The following SHISA9 variants were observed in gnomAD, a reference collection of about 807,000 sequenced individuals.
SHISA9 encodes the protein protein shisa-9.
In SHISA9, 13 loss-of-function variants were observed where a neutral mutation model predicts 38.0. The ratio of observed to expected loss-of-function variants is 0.34; its 90% CI spans 0.22 to 0.54. The LOEUF (loss-of-function observed/expected upper bound fraction) is 0.54. Ranked by LOEUF, SHISA9 falls within the 20% of genes least tolerant of loss-of-function variation. SHISA9 has a pLI of 0.91. For missense variants in SHISA9, 538 were observed against 575.8 expected (o/e 0.93, Z 0.67); for synonymous variants, 275 against 242.0 (o/e 1.14, Z -1.27).
the SHISA9 span, among the ~76,000 whole-genome samples, chr16:13,467,017 T>G: frequency 6.6e-6 from 1 of 152,196 alleles, no homozygotes; most frequent in South Asian, 2.1e-4. Flanking sequence ...TGATCTTTAT[T>G]TGGAAATTAA....
intron 2 of SHISA9, among the ~76,000 whole-genome samples, chr16:13,090,685 C>A (rs984470289): frequency 4.1e-4 from 63 of 152,302 alleles, no homozygotes; most frequent in African/African-American, 1.4e-3. Context: ...CTATTTTGAG[C>A]CTATGTGCAT....
At chr16:13,261,422 C>G in the SHISA9 span, among the ~76,000 whole-genome samples, 1 of 152,084 alleles carries the variant, frequency 6.6e-6, no homozygotes, top group Non-Finnish European at 1.5e-5. Flanking sequence ...ACATTTTGTG[C>G]CAGACACTGA....
At position 13,019,773 on chromosome 16, in the gene SHISA9, TTTCTTTC is replaced by T. The variant is rs1276380057; in HGVS notation, c.691+102961_691+102967del. ...TCTTTTCTTTTCTTTCTTTTCTTTCTTTCTTTCTTTCTTTCTTTCTTTCTTTCTTTCT... is the reference window on the plus strand; with the variant it reads ...TCTTTTCTTTTCTTTCTTTTCTTTCTTTTCTTTCTTTCTTTCTTTCTTTCT... On this transcript the variant is annotated intron_variant, in intron 2 of 4. Transcript: ENST00000558583. 9.4e-4 allele frequency among the ~76,000 whole-genome samples: 55 copies of T among 58,206 alleles called. 1 individual carries two copies. The highest frequency in any genetic ancestry group is 1.4e-3 in the Non-Finnish European group (41 of 28,614). The allele number at this position is 58,206 out of a possible 152,430, so 38.2% of individuals were successfully genotyped here.
chr16:12,972,749 A>G (rs941430457), intron 2 of SHISA9, among the ~76,000 whole-genome samples: 2 of 152,212 alleles, frequency 1.3e-5, no homozygotes, highest in African/African-American at 4.8e-5. Flanking sequence ...GGATAATGCA[A>G]TTATAAGTGA....
intron 2 of SHISA9, among the ~76,000 whole-genome samples, chr16:13,126,816 G>GAGAC (rs2050261923): frequency 1.6e-5 from 2 of 124,556 alleles, no homozygotes; most frequent in African/African-American, 5.4e-5. Flanking sequence ...GAGAGAGAGA[G>GAGAC]AGCTGAGGGA....
the SHISA9 span, among the ~76,000 whole-genome samples, chr16:13,287,162 G>C: frequency 6.6e-6 from 1 of 152,118 alleles, no homozygotes; most frequent in Non-Finnish European, 1.5e-5. Context: ...TTAATAACAT[G>C]ATCTACGCTA....
At position 13,227,237 on chromosome 16, in the gene SHISA9, C is replaced by T. The variant is rs150800991; in HGVS notation, c.896-7793C>T. ...TGACTAAATGATTGAACAAACAGCT[C>T]GAAGACTGCAGCATGGAGAATGGAT... On this transcript the variant is annotated intron_variant, in intron 4 of 4. Transcript: ENST00000558583. 5.5e-3 allele frequency among the ~76,000 whole-genome samples: 833 copies of T among 152,128 alleles called. 5 individuals carry two copies. The highest frequency in any genetic ancestry group is 0.019 in the African/African-American group (783 of 41,492).
At chr16:12,924,924 T>A (rs774865520) in intron 2 of SHISA9, among the ~76,000 whole-genome samples, 1 of 152,242 alleles carries the variant, frequency 6.6e-6, no homozygotes, top group Non-Finnish European at 1.5e-5. Context: ...AGTAAAACTA[T>A]GTCTACCTTA....
chr16:13,519,285 A>G, the SHISA9 span, among the ~76,000 whole-genome samples: 6 of 152,212 alleles, frequency 3.9e-5, no homozygotes, highest in Non-Finnish European at 7.3e-5. Flanking sequence ...AAGCCTCAAT[A>G]ATTTCTTTTA....
At chr16:13,490,796 G>C in the SHISA9 span, among the ~76,000 whole-genome samples, 1 of 152,180 alleles carries the variant, frequency 6.6e-6, no homozygotes, top group African/African-American at 2.4e-5. Flanking sequence ...CCAACTGACT[G>C]CTGATGATAA....
At chr16:13,015,926 C>CT in intron 2 of SHISA9, among the ~76,000 whole-genome samples, 7 of 64,694 alleles carry the variant, frequency 1.1e-4, no homozygotes, top group Non-Finnish European at 2.1e-4. Flanking sequence ...TTTCTCCTTC[C>CT]TTCCTTCTTT....
the SHISA9 span, among the ~76,000 whole-genome samples, chr16:13,368,849 A>G: frequency 6.6e-6 from 1 of 152,206 alleles, no homozygotes; most frequent in Non-Finnish European, 1.5e-5. Context: ...TATGTAGCAT[A>G]TGATTGACAG....
intron 2 of SHISA9, among the ~76,000 whole-genome samples, chr16:13,068,211 C>T (rs561664758): frequency 3.3e-5 from 5 of 152,286 alleles, no homozygotes; most frequent in African/African-American, 1.2e-4. Context: ...CTTCCTTTGC[C>T]TCAGTTTCTC....
the SHISA9 span, among the ~76,000 whole-genome samples, chr16:13,496,814 T>C: frequency 6.6e-6 from 1 of 152,082 alleles, no homozygotes; most frequent in Non-Finnish European, 1.5e-5. Context: ...AAGGTTAAAA[T>C]ACACACACAC....
the SHISA9 span, among the ~76,000 whole-genome samples, chr16:13,408,773 C>G: frequency 6.6e-6 from 1 of 152,200 alleles, no homozygotes; most frequent in Non-Finnish European, 1.5e-5. Context: ...TGCAATACCA[C>G]CCCCAGTCCT....
In SHISA9 at chr16:12,909,306, A is replaced by G. The variant is rs1181800759; in HGVS notation, c.563+6679A>G. 6.1e-6 allele frequency: 6 copies of G among 985,300 alleles called. No individual in the cohort carries two copies. The African/African-American group carries it at 7.0e-5, about 11-fold the overall frequency. The allele number at this position is 985,300 out of a possible 1,614,324, so 61.0% of individuals were successfully genotyped here. A position where few individuals can be genotyped will look rare whatever the true frequency, so the allele number is the denominator to read the frequency against. On this transcript the variant is annotated intron_variant, in intron 1 of 4. Coordinates refer to ENST00000558583, the MANE Select transcript of SHISA9 (RefSeq NM_001145204.3). Reference sequence around the variant, plus strand: ...GACAAATGTCTATACCTGTGTAATCATTACTCTAGAAAGCTCACTCATGCC... The same window carrying G: ...GACAAATGTCTATACCTGTGTAATCGTTACTCTAGAAAGCTCACTCATGCC...
the SHISA9 span, among the ~76,000 whole-genome samples, chr16:13,435,929 A>C: frequency 3.9e-5 from 6 of 152,188 alleles, no homozygotes; most frequent in African/African-American, 1.4e-4. Flanking sequence ...CACAGGACTC[A>C]TGTGAAGAAA....
the SHISA9 span, among the ~76,000 whole-genome samples, chr16:13,389,042 C>CGTG: frequency 6.6e-6 from 1 of 152,138 alleles, no homozygotes; most frequent in African/African-American, 2.4e-5. Flanking sequence ...CCCACCAGAG[C>CGTG]GGCACGTCTG....
At chr16:13,561,072 C>A in the SHISA9 span, among the ~76,000 whole-genome samples, 1 of 152,132 alleles carries the variant, frequency 6.6e-6, no homozygotes, top group African/African-American at 2.4e-5. Context: ...CCATGTTGGC[C>A]AGGCTGGTCT....
Sources: allele counts gnomAD v4.1 joint callset (sites outside exome capture counted in the v4.1 genomes callset), GRCh38; gene constraint gnomAD v4.1.1; transcripts MANE v1.5; gene names NCBI Gene and HGNC (gene_info 2026-07-23, HGNC 2026-07-21).